ADGRF3: variants seen among roughly 807,000 people sequenced by gnomAD.
The protein encoded by ADGRF3 is G protein-coupled receptor 113.
A neutral mutation model predicts 93.2 loss-of-function variants in ADGRF3; 85 were observed. The ratio of observed to expected loss-of-function variants is 0.91; its 90% CI spans 0.77 to 1.09. The LOEUF (loss-of-function observed/expected upper bound fraction) is 1.09. Among genes scored for constraint, ADGRF3 ranks in the 50% least tolerant of loss-of-function variants. The probability of loss-of-function intolerance (pLI) is 0.00; values close to 1 mark genes in which losing one functional copy is unlikely to be tolerated. For synonymous variants in ADGRF3, 534 were observed against 532.5 expected, an observed-to-expected ratio of 1.00 and a Z score of -0.04; for missense variants, 1,125 against 1,246.2, an observed-to-expected ratio of 0.90 and a Z score of 1.46.
chr2:26,313,841 C>A lies in ADGRF3; in HGVS notation c.991G>T (p.Ala331Ser). Residue 331 changes from alanine (A) to serine (S), a missense_variant, in exon 7 of 14, where the codon GCT becomes TCT. By Grantham distance (99) the Ala-to-Ser change is moderately conservative. Transcript: ENST00000651242. ...FVLAVQRCPM[A>S]DTTYACDLQS... ...AGGTCACAAGCGTACGTGGTGTCAG[C>A]CATCGGGCAGCGCTGAACAGCCAGC... 1.2e-6 allele frequency: 2 copies of A among 1,613,994 alleles called. No individual in the cohort carries two copies. Among genetic ancestry groups the A allele is most frequent in the Non-Finnish European group, 1.7e-6 (2 of 1,179,884 alleles).
At chr2:26,339,110 G>A (rs1340549450) in intron 1 of ADGRF3, among the ~76,000 whole-genome samples, 13 of 84,688 alleles carry the variant, frequency 1.5e-4, no homozygotes, top group Middle Eastern at 0.011. Flanking sequence ...GTAAGACTCC[G>A]TCACAAAAAA....
intron 2 of ADGRF3, 96 bp from the exon 3 acceptor site, chr2:26,317,151 T>A: frequency 1.5e-6 from 2 of 1,321,142 alleles, no homozygotes; most frequent in South Asian, 2.7e-5. Flanking sequence ...GTCCCAGGAA[T>A]GCAGAGCAGA....
At position 26,316,458 on chromosome 2, in the gene ADGRF3, A is replaced by G; in HGVS notation, c.326-10T>C. 1.3e-6 allele frequency: 2 copies of G among 1,550,556 alleles called. No homozygotes were observed. Among genetic ancestry groups the G allele is most frequent in the Non-Finnish European group, 1.7e-6 (2 of 1,146,406 alleles). On this transcript the variant is annotated splice_polypyrimidine_tract_variant and intron_variant, in intron 3 of 13. Transcript: ENST00000651242. ...TGGTTGACATTACACTCTGACAGAG[A>G]GAAGAGAAGAGGGGGTGGGCAGGCT...
chr2:26,315,983 C>G (rs1286994512), intron 4 of ADGRF3, among the ~76,000 whole-genome samples: 1 of 145,904 alleles, frequency 6.9e-6, no homozygotes, highest in Non-Finnish European at 1.5e-5. Context: ...CTCTCCCTCC[C>G]CCAGGTATCC....
rs1173449471 is a variant in ADGRF3 at position 26,309,820 on chromosome 2, A to G, written c.2937+223T>C. 3 of 1,084,790 alleles carry G rather than the reference A, an allele frequency of 2.8e-6. No individual in the cohort carries two copies. In the African/African-American group the frequency reaches 4.8e-5, roughly 17 times the overall value. The allele number at this position is 1,084,790 out of a possible 1,614,324, so 67.2% of individuals were successfully genotyped here. ...AACCAGAGAAAAGAGAGTCAGCAGG[A>G]GTCCAGGTGATAATCAGGAACCCAG... is the stretch of plus-strand genomic sequence containing the variant. On this transcript the variant is annotated intron_variant, in intron 12 of 13. Coordinates refer to ENST00000651242, the MANE Select transcript of ADGRF3 (RefSeq NM_001321971.2).
intron 4 of ADGRF3, 176 bp from the exon 5 acceptor site, chr2:26,315,916 G>C (rs1674612652): frequency 5.1e-6 from 5 of 985,446 alleles, no homozygotes; most frequent in Admixed American, 2.8e-5. Flanking sequence ...CTGCAATCCA[G>C]CCTGGAAGAC....
At chr2:26,324,109 G>A (rs958677701) in intron 1 of ADGRF3, among the ~76,000 whole-genome samples, 4 of 152,088 alleles carry the variant, frequency 2.6e-5, no homozygotes, top group Non-Finnish European at 5.9e-5. Context: ...AAGTTAGCTG[G>A]GTGTGGCGGC....
rs781108689 is a variant in ADGRF3 at position 26,311,142 on chromosome 2, C to G, written c.2382G>C (p.Gln794His). The G allele has an allele frequency of 3.1e-6, 5 of 1,595,244 alleles. No homozygotes were observed. Among genetic ancestry groups the G allele is most frequent in the South Asian group, 1.1e-5 (1 of 88,492 alleles). The stretch of plus-strand genomic sequence containing the variant: ...GCAGCTGGTGGGCCAACACCAGGGC[C>G]TGCGCCAGCATCCAGAAAAAGGTGG... ...YLATFFWMLA[Q>H]ALVLAHQLLF... The change falls in exon 10 of 14, where the codon CAG becomes CAC. Residue 794 changes from glutamine (Q) to histidine (H), a missense_variant. Gln to His is a conservative substitution (Grantham distance 24). Coordinates refer to ENST00000651242, the MANE Select transcript of ADGRF3 (RefSeq NM_001321971.2).
intron 4 of ADGRF3, 30 bp from the exon 5 acceptor site, chr2:26,315,770 G>C: frequency 6.5e-7 from 1 of 1,550,370 alleles, no homozygotes; most frequent in Non-Finnish European, 8.7e-7. Flanking sequence ...AGGGGACCCT[G>C]GAGGAGGGAC....
Position 26,308,993 on chromosome 2 carries a change from C to G in ADGRF3, c.*93G>C, listed in dbSNP as rs188260458. The G allele has an allele frequency of 2.1e-5, 33 of 1,562,436 alleles. No individual in the cohort carries two copies. Among genetic ancestry groups the G allele is most frequent in the Non-Finnish European group, 2.9e-5 (33 of 1,135,082 alleles). On this transcript the variant is annotated 3_prime_UTR_variant, in exon 14 of 14. Coordinates refer to ENST00000651242, the MANE Select transcript of ADGRF3 (RefSeq NM_001321971.2). ...TTCTCAAGGGCTGAGCTCCGGGAGG[C>G]GGGAAGAGTTCAGAGCATTGGGCCA... is the stretch of plus-strand genomic sequence containing the variant.
At position 26,316,901 on chromosome 2, in the gene ADGRF3, G is replaced by A. The variant is rs374449528; in HGVS notation, c.325+11C>T. ...CATTCACTCTCAGCCCCCTTCCCAC[G>A]CAAGTGGTACCTGTTGTGAGTCTGA... On this transcript the variant is annotated intron_variant, in intron 3 of 13. Transcript: ENST00000651242. 27 of 1,591,100 alleles carry A rather than the reference G, an allele frequency of 1.7e-5. No homozygotes were observed. The African/African-American group carries it at 2.3e-4, about 14-fold the overall frequency.
intron 3 of ADGRF3, 87 bp from the exon 4 acceptor site, chr2:26,316,535 C>A: frequency 7.3e-7 from 1 of 1,378,620 alleles, no homozygotes. Context: ...GCCTGAGAGG[C>A]TTTAGGGCTG....
chr2:26,345,622 G>GCGCAC (rs1483518641), intron 1 of ADGRF3: 5 of 153,844 alleles, frequency 3.3e-5, no homozygotes, highest in African/African-American at 1.2e-4. Flanking sequence ...ACGGCACGCA[G>GCGCAC]CGCACCGCAC....
At position 26,311,599 on chromosome 2, in the gene ADGRF3, T is replaced by C; in HGVS notation, c.1925A>G (p.Asp642Gly). 3 of 1,613,772 alleles carry C rather than the reference T, an allele frequency of 1.9e-6. No homozygotes were observed. Among genetic ancestry groups the C allele is most frequent in the Non-Finnish European group, 2.5e-6 (3 of 1,179,888 alleles). The change falls in exon 10 of 14, where the codon GAT (aspartate) becomes GGT (glycine). Residue 642 changes from aspartate to glycine, a missense_variant. Coordinates refer to ENST00000651242, the MANE Select transcript of ADGRF3 (RefSeq NM_001321971.2). ...CCAGAAGACACAGTGAGGGGAACCA[T>C]CTGTGTTCCCAAAGTCCATGATGAC... The part of the protein sequence containing the change: ...GEVIMDFGNT[D>G]GSPHCVFWDH...
chr2:26,334,607 T>G (rs1675938257), intron 1 of ADGRF3, among the ~76,000 whole-genome samples: 1 of 152,160 alleles, frequency 6.6e-6, no homozygotes, highest in South Asian at 2.1e-4. Flanking sequence ...AAGATAAATC[T>G]TATATGGGTA....
intron 1 of ADGRF3, among the ~76,000 whole-genome samples, chr2:26,331,005 A>G (rs566651502): frequency 6.6e-6 from 1 of 152,150 alleles, no homozygotes; most frequent in East Asian, 1.9e-4. Context: ...CACAATTTTG[A>G]TATGTATTTT....
chr2:26,344,786 A>T (rs1449421221), intron 1 of ADGRF3, among the ~76,000 whole-genome samples: 4 of 152,184 alleles, frequency 2.6e-5, no homozygotes, highest in Non-Finnish European at 5.9e-5. Context: ...AGCCGTGATC[A>T]CGTCACTGCA....
intron 4 of ADGRF3, 100 bp from the exon 5 acceptor site, chr2:26,315,840 C>T: frequency 1.3e-6 from 2 of 1,489,716 alleles, no homozygotes; most frequent in African/African-American, 1.4e-5. Context: ...GCCCATTCCT[C>T]CACACTCCCT....
rs1285435451 is a variant in ADGRF3 at position 26,313,521 on chromosome 2, G to A, written c.1125C>T (p.Thr375=). 6.2e-7 allele frequency: 1 copy of A among 1,611,908 alleles called. No homozygotes were observed. Among genetic ancestry groups the A allele is most frequent in the South Asian group, 1.1e-5 (1 of 90,664 alleles). The change falls in exon 8 of 14, where the codon ACC becomes ACT. Residue 375 remains threonine (T), a synonymous_variant. Coordinates refer to ENST00000651242, the MANE Select transcript of ADGRF3 (RefSeq NM_001321971.2). The part of the protein sequence containing the change: ...EDASVLTWNV[T]KAGHVAQAPC... The stretch of plus-strand genomic sequence containing the variant: ...GGGCCTGTGCCACGTGGCCAGCCTT[G>A]GTGACATTCCAGGTGAGCACCGAGG...
Sources: gnomAD v4.1 joint callset for allele counts (sites outside exome capture counted in the v4.1 genomes callset) on GRCh38, gnomAD v4.1.1 for gene constraint, MANE v1.5 for transcripts, NCBI Gene and HGNC (gene_info 2026-07-23, HGNC 2026-07-21) for gene names.